The following GRK3 variants were observed in gnomAD, a reference collection of about 807,000 sequenced individuals.
The protein encoded by GRK3 is adrenergic, beta, receptor kinase 2.
A neutral mutation model predicts 95.7 loss-of-function variants in GRK3; 54 were observed. That is an observed-to-expected ratio of 0.56 (90% CI 0.45 to 0.71). The LOEUF is 0.71. Among genes scored for constraint, GRK3 ranks in the 30% least tolerant of loss-of-function variants. GRK3 has a pLI of 0.00. For missense variants in GRK3, 649 were observed against 851.2 expected (o/e 0.76, Z 2.96); for synonymous variants, 281 against 290.8 (o/e 0.97, Z 0.34).
At chr22:25,717,928 G>A (rs933219622) in intron 18 of GRK3, among the ~76,000 whole-genome samples, 3 of 152,098 alleles carry the variant, frequency 2.0e-5, no homozygotes, top group Admixed American at 6.5e-5. Flanking sequence ...TCTATTCTCC[G>A]GTTCTCATTA....
chr22:25,579,503 C>T (rs1158653704), intron 1 of GRK3, among the ~76,000 whole-genome samples: 1 of 150,870 alleles, frequency 6.6e-6, no homozygotes, highest in Non-Finnish European at 1.5e-5. Context: ...GATGGTGTCT[C>T]ACTCTGTCCC....
chr22:25,615,498 T>C (rs1195543559), intron 2 of GRK3, among the ~76,000 whole-genome samples: 1 of 152,254 alleles, frequency 6.6e-6, no homozygotes, highest in Non-Finnish European at 1.5e-5. Flanking sequence ...TTTATTTTAG[T>C]ATTTCTACTT....
chr22:25,721,136 C>T (rs1046049070), intron 19 of GRK3, 148 bp from the exon 20 acceptor site: 17 of 467,276 alleles, frequency 3.6e-5, no homozygotes, highest in Middle Eastern at 5.6e-4. Context: ...CCTTTATAGC[C>T]ATTTTCCCCT....
intron 13 of GRK3, among the ~76,000 whole-genome samples, chr22:25,698,074 G>GAGGGAGGGAGGA (rs1469045643): frequency 6.0e-5 from 9 of 150,928 alleles, no homozygotes; most frequent in African/African-American, 2.0e-4. Context: ...GAAAAAAGGA[G>GAGGGAGGGAGGA]AGGGAGGGAG....
At chr22:25,581,851 T>C (rs2146319352) in intron 1 of GRK3, among the ~76,000 whole-genome samples, 1 of 152,222 alleles carries the variant, frequency 6.6e-6, no homozygotes, top group Middle Eastern at 3.4e-3. Context: ...TAATCTACCC[T>C]CTAAGCATAC....
intron 3 of GRK3, 76 bp downstream of exon 3, chr22:25,644,741 A>G (rs2084768622): frequency 3.0e-6 from 2 of 673,470 alleles, no homozygotes; most frequent in South Asian, 4.7e-5. Flanking sequence ...TATTAAGACT[A>G]CTTAATATCT....
rs1391315751 is a variant in GRK3, at chr22:25,727,628, A to G, written c.*5178A>G. The G allele has an allele frequency of 6.6e-6, 1 of 152,218 alleles. No individual in the cohort carries two copies. The highest frequency in any genetic ancestry group is 1.5e-5 in the Non-Finnish European group (1 of 68,038). 9.4% of individuals were successfully genotyped at this position (152,218 alleles called of 1,614,324 possible). On this transcript the variant is annotated 3_prime_UTR_variant, in exon 21 of 21. Transcript: ENST00000324198. ...CACATATAGGGGAAAAAATCCTTCA[A>G]TTTAGAGTTAAATAACTCAGCTTTG...
chr22:25,623,729 C>T (rs1180059518), intron 2 of GRK3, among the ~76,000 whole-genome samples: 1 of 152,120 alleles, frequency 6.6e-6, no homozygotes, highest in African/African-American at 2.4e-5. Context: ...CCAAGCTGTC[C>T]AGGATTCAAA....
intron 13 of GRK3, among the ~76,000 whole-genome samples, chr22:25,696,147 A>AT (rs1289386356): frequency 6.6e-6 from 1 of 151,558 alleles, no homozygotes; most frequent in Non-Finnish European, 1.5e-5. Context: ...CACCCAGCTA[A>AT]TTTTTTAATG....
chr22:25,588,409 GT>G (rs1932388121), intron 1 of GRK3, among the ~76,000 whole-genome samples: 1 of 152,216 alleles, frequency 6.6e-6, no homozygotes, highest in Non-Finnish European at 1.5e-5. Context: ...GTGCTGAATT[GT>G]TTAGTACTAT....
At chr22:25,622,450 TGATCAGGG>T (rs757334009) in intron 2 of GRK3, among the ~76,000 whole-genome samples, 2 of 152,146 alleles carry the variant, frequency 1.3e-5, no homozygotes, top group African/African-American at 2.4e-5. Flanking sequence ...TTTGAGGATG[TGATCAGGG>T]GATCATGTGG....
chr22:25,714,451 T>C lies in GRK3; in HGVS notation c.1535T>C (p.Val512Ala). 1 of 1,613,572 alleles carries C rather than the reference T, an allele frequency of 6.2e-7. No individual in the cohort carries two copies. The highest frequency in any genetic ancestry group is 8.5e-7 in the Non-Finnish European group (1 of 1,179,836). Residue 512 changes from valine (V) to alanine (A), a missense_variant, in exon 18 of 21, where the codon GTC becomes GCC. Around this residue, in one of 3 missense-constraint regions of GRK3, gnomAD observed 382 missense variants for 493.8 expected, o/e 0.77. Coordinates refer to ENST00000324198, the MANE Select transcript of GRK3 (RefSeq NM_005160.4). The part of the protein sequence containing the change: ...DQELYKNFPL[V>A]ISERWQQEVT... ...GAACTCTACAAGAACTTCCCTTTGGTCATCTCTGAACGCTGGCAGCAAGAA... is the reference window on the plus strand; with the variant it reads ...GAACTCTACAAGAACTTCCCTTTGGCCATCTCTGAACGCTGGCAGCAAGAA...
chr22:25,655,148 A>G (rs965017751), intron 3 of GRK3, among the ~76,000 whole-genome samples: 2 of 152,106 alleles, frequency 1.3e-5, no homozygotes, highest in Non-Finnish European at 2.9e-5. Context: ...CTTGAAATGT[A>G]CATTTTGTAC....
Position 25,592,246 on chromosome 22 carries a change from C to T in GRK3, c.114-12131C>T, listed in dbSNP as rs1314404512. ...TTTCCTAATGACTAATGATGTTGAA[C>T]AACTTTTCATATGCTTATTTGCCAC... On this transcript the variant is annotated intron_variant, in intron 1 of 20. Transcript: ENST00000324198. Among the ~76,000 whole-genome samples, 5 of 152,314 alleles carry T rather than the reference C, an allele frequency of 3.3e-5. No individual in the cohort carries two copies. The East Asian group carries it at 7.7e-4, about 23-fold the overall frequency.
chr22:25,702,404 A>C (rs2085266211), intron 13 of GRK3, among the ~76,000 whole-genome samples: 1 of 152,196 alleles, frequency 6.6e-6, no homozygotes, highest in Admixed American at 6.5e-5. Flanking sequence ...TAATATTAAA[A>C]TATTTTGCAT....
rs932591860 is a variant in GRK3 at position 25,688,782 on chromosome 22, A to G, written c.957+1115A>G. Among the ~76,000 whole-genome samples the G allele has an allele frequency of 6.0e-4, 92 of 152,246 alleles. 5 individuals carry two copies. The highest frequency in any genetic ancestry group is 1.3e-4 in the Non-Finnish European group (9 of 68,040). On this transcript the variant is annotated intron_variant, in intron 11 of 20. Transcript: ENST00000324198. ...TGACACTCACCTAGTTGTATGGCCAACAGCCTGCAGGCAGGCATGGAGAAA... is the reference window on the plus strand; with the variant it reads ...TGACACTCACCTAGTTGTATGGCCAGCAGCCTGCAGGCAGGCATGGAGAAA...
In GRK3 at chr22:25,711,150, C is replaced by T; in HGVS notation, c.1478C>T (p.Thr493Ile). The stretch of plus-strand genomic sequence containing the variant: ...ATTGGCTCATTTGATGAAGAGGATA[C>T]CAAAGGGATTAAGGTACACATGTGA... Reference protein sequence around the residue: ...FDIGSFDEEDTKGIKLLDCDQ... With the variant: ...FDIGSFDEEDIKGIKLLDCDQ... Residue 493 changes from threonine (T) to isoleucine (I), a missense_variant, in exon 17 of 21, where the codon ACC (threonine) becomes ATC (isoleucine). Thr to Ile is a moderately conservative substitution (Grantham distance 89). Transcript: ENST00000324198. 2 of 1,607,436 alleles carry T rather than the reference C, an allele frequency of 1.2e-6. No homozygotes were observed. Among genetic ancestry groups the T allele is most frequent in the Non-Finnish European group, 1.7e-6 (2 of 1,174,566 alleles).
rs530479630 is a variant in GRK3 at position 25,599,516 on chromosome 22, C to T, written c.114-4861C>T. Among the ~76,000 whole-genome samples, 10 of 150,060 alleles carry T rather than the reference C, an allele frequency of 6.7e-5. No homozygotes were observed. In the East Asian group the frequency reaches 1.2e-3, roughly 18 times the overall value. ...CTGAGGCAGGAGAATGATGTGAACC[C>T]GGGAGGCGGAGCTTGCAGTGAGCCG... On this transcript the variant is annotated intron_variant, in intron 1 of 20. Coordinates refer to ENST00000324198, the MANE Select transcript of GRK3 (RefSeq NM_005160.4).
chr22:25,683,002 G>GT (rs1234373254), intron 9 of GRK3, among the ~76,000 whole-genome samples: 3 of 152,264 alleles, frequency 2.0e-5, no homozygotes, highest in Non-Finnish European at 2.9e-5. Context: ...ACTCCCTCCT[G>GT]TAGCTGTGCA....
Sources: gnomAD v4.1 joint callset for allele counts (sites outside exome capture counted in the v4.1 genomes callset) on GRCh38, gnomAD v4.1.1 for gene constraint, gnomAD v4.1.1 regional missense constraint, MANE v1.5 for transcripts, NCBI Gene and HGNC (gene_info 2026-07-23, HGNC 2026-07-21) for gene names.